The following FNDC3B variants were observed in gnomAD, a reference collection of about 807,000 sequenced individuals.
FNDC3B encodes the protein fibronectin type III domain containing 3B, also known as fibronectin type III domain-containing protein 3B.
A neutral mutation model predicts 151.5 loss-of-function variants in FNDC3B; 12 were observed. The ratio of observed to expected loss-of-function variants is 0.08; its 90% CI spans 0.05 to 0.13. FNDC3B has a LOEUF of 0.13. FNDC3B is among the 10% of genes least tolerant of loss of function. FNDC3B has a pLI of 1.00. For synonymous variants in FNDC3B, 528 were observed against 549.0 expected (o/e 0.96, Z 0.54); for missense variants, 1,214 against 1,505.3 (o/e 0.81, Z 3.20).
intron 11 of FNDC3B, among the ~76,000 whole-genome samples, chr3:172,311,771 G>A (rs1414537760): frequency 2.0e-5 from 3 of 150,830 alleles, no homozygotes; most frequent in African/African-American, 4.9e-5. Context: ...CCAGCTACTC[G>A]GGAGGCTGAG....
At chr3:172,265,013 A>G (rs1728851460) in intron 6 of FNDC3B, among the ~76,000 whole-genome samples, 1 of 152,218 alleles carries the variant, frequency 6.6e-6, no homozygotes, top group Admixed American at 6.5e-5. Flanking sequence ...GGGAGAATAT[A>G]TCCAAGTGCG....
chr3:172,349,118 C>T (rs2108319202), intron 21 of FNDC3B, among the ~76,000 whole-genome samples: 1 of 150,768 alleles, frequency 6.6e-6, no homozygotes, highest in South Asian at 2.1e-4. Flanking sequence ...AACAAAACCC[C>T]TCCTCTACAA....
intron 3 of FNDC3B, among the ~76,000 whole-genome samples, chr3:172,174,329 A>G (rs1239335023): frequency 6.6e-6 from 1 of 152,192 alleles, no homozygotes; most frequent in African/African-American, 2.4e-5. Context: ...GCATGGTGAG[A>G]CTGCCACTTA....
intron 22 of FNDC3B, 81 bp from the exon 23 acceptor site, chr3:172,362,552 C>T: frequency 9.6e-7 from 1 of 1,046,990 alleles, no homozygotes; most frequent in Non-Finnish European, 1.5e-6. Flanking sequence ...GTAATAAATA[C>T]TATGCTCAAT....
At chr3:172,109,580 T>G (rs1719859304) in intron 1 of FNDC3B, among the ~76,000 whole-genome samples, 1 of 152,254 alleles carries the variant, frequency 6.6e-6, no homozygotes, top group Admixed American at 6.5e-5. Flanking sequence ...TTATTTCTTC[T>G]GTTTTCTCCA....
intron 2 of FNDC3B, among the ~76,000 whole-genome samples, chr3:172,114,737 CAA>C (rs1023595466): frequency 1.3e-4 from 20 of 152,046 alleles, no homozygotes; most frequent in Admixed American, 5.9e-4. Flanking sequence ...AAAACAAAAA[CAA>C]AAACCCGCAT....
chr3:172,347,427 C>A, intron 21 of FNDC3B, 66 bp downstream of exon 21: 1 of 1,355,600 alleles, frequency 7.4e-7, no homozygotes, highest in Non-Finnish European at 9.9e-7. Context: ...CTTTGGGAAA[C>A]CCACTCAAAG....
At chr3:172,366,466 C>T (rs1173634538) in intron 23 of FNDC3B, among the ~76,000 whole-genome samples, 1 of 151,870 alleles carries the variant, frequency 6.6e-6, no homozygotes, top group East Asian at 1.9e-4. Context: ...CCAAAGCCTT[C>T]TACCATTTAG....
In FNDC3B at chr3:172,151,144, C is replaced by A. The variant is rs373089572; in HGVS notation, c.187+17598C>A. Among the ~76,000 whole-genome samples, 25 of 152,164 alleles carry A rather than the reference C, an allele frequency of 1.6e-4. No individual in the cohort carries two copies. The South Asian group carries it at 4.4e-3, about 27-fold the overall frequency. ...TTAGTTTGTCTCATTATGCGGAAAG[C>A]CTTATTTATTTTTTGTGTGTGCATA... On this transcript the variant is annotated intron_variant, in intron 3 of 25. Coordinates refer to ENST00000415807, the MANE Select transcript of FNDC3B (RefSeq NM_022763.4).
chr3:172,049,848 A>G (rs1716555756), intron 1 of FNDC3B, among the ~76,000 whole-genome samples: 1 of 152,110 alleles, frequency 6.6e-6, no homozygotes, highest in South Asian at 2.1e-4. Flanking sequence ...CATTTTATTC[A>G]TTCTTGACAT....
intron 6 of FNDC3B, among the ~76,000 whole-genome samples, chr3:172,284,283 A>C (rs1292997181): frequency 1.3e-5 from 2 of 152,320 alleles, no homozygotes; most frequent in East Asian, 3.9e-4. Context: ...TTATGAAAAC[A>C]AACAAAAAGC....
At chr3:172,221,237 T>C (rs1019768603) in intron 3 of FNDC3B, among the ~76,000 whole-genome samples, 2 of 152,220 alleles carry the variant, frequency 1.3e-5, no homozygotes, top group Non-Finnish European at 2.9e-5. Flanking sequence ...TGTGAGTAGA[T>C]AAGTTTTACT....
intron 23 of FNDC3B, among the ~76,000 whole-genome samples, chr3:172,377,627 C>A (rs1431794462): frequency 2.6e-5 from 4 of 152,148 alleles, no homozygotes; most frequent in Admixed American, 6.5e-5. Context: ...GCTGCCAGTC[C>A]AAACTGTCCA....
chr3:172,264,778 A>G (rs1728832108), intron 6 of FNDC3B, among the ~76,000 whole-genome samples: 2 of 152,184 alleles, frequency 1.3e-5, no homozygotes, highest in South Asian at 2.1e-4. Flanking sequence ...ACTTTTGAAG[A>G]AGAAAGTTTC....
At chr3:172,257,578 A>G (rs1728417539) in intron 6 of FNDC3B, among the ~76,000 whole-genome samples, 1 of 83,842 alleles carries the variant, frequency 1.2e-5, no homozygotes, top group Non-Finnish European at 2.4e-5. Context: ...ATACACACAC[A>G]CACACACACA....
In FNDC3B at chr3:172,397,407, A is replaced by G. The variant is rs762666819; in HGVS notation, c.3547A>G (p.Ile1183Val). Residue 1183 changes from isoleucine to valine, a missense_variant, in exon 26 of 26, where the codon ATT becomes GTT. Physicochemically the swap from Ile to Val is conservative, Grantham distance 29. Coordinates refer to ENST00000415807, the MANE Select transcript of FNDC3B (RefSeq NM_022763.4). ...MPTDEQFAAIIVLGFATLSIL... is the reference protein window; with the variant it reads ...MPTDEQFAAIVVLGFATLSIL... ...TACTGATGAACAGTTTGCAGCCATC[A>G]TTGTGCTTGGCTTTGCAACTTTGTC... The G allele has an allele frequency of 3.7e-6, 6 of 1,614,056 alleles. No homozygotes were observed. The highest frequency in any genetic ancestry group is 5.1e-6 in the Non-Finnish European group (6 of 1,179,980).
At chr3:172,392,946 G>C (rs1736091986) in intron 25 of FNDC3B, among the ~76,000 whole-genome samples, 1 of 151,384 alleles carries the variant, frequency 6.6e-6, no homozygotes, top group Admixed American at 6.6e-5. Context: ...GGGATTACAG[G>C]CATATGCCAC....
rs192822495 is a variant in FNDC3B at position 172,072,608 on chromosome 3, C to T, written c.-29+32837C>T. ...GCCAAGCAAAAACTGCTTTGACATT[C>T]CCGCATGATTTTCAGCCTTGTAGAT... On this transcript the variant is annotated intron_variant, in intron 1 of 25. Coordinates refer to ENST00000415807, the MANE Select transcript of FNDC3B (RefSeq NM_022763.4). Among the ~76,000 whole-genome samples, 9 of 152,262 alleles carry T rather than the reference C, an allele frequency of 5.9e-5. No homozygotes were observed. The East Asian group carries it at 1.4e-3, about 23-fold the overall frequency.
intron 1 of FNDC3B, among the ~76,000 whole-genome samples, chr3:172,108,539 T>TGTGGA (rs1719793728): frequency 4.6e-5 from 7 of 152,222 alleles, no homozygotes; most frequent in Admixed American, 2.0e-4. Flanking sequence ...GAGAGTTAAG[T>TGTGGA]CCACGTGTAG....
Sources: gnomAD v4.1 joint callset for allele counts (sites outside exome capture counted in the v4.1 genomes callset) on GRCh38, gnomAD v4.1.1 for gene constraint, MANE v1.5 for transcripts, NCBI Gene and HGNC (gene_info 2026-07-23, HGNC 2026-07-21) for gene names.